Variants in SOX6 observed in about 807,000 individuals in gnomAD.
SOX6 encodes transcription factor SOX-6.
SOX6 carries 11 observed loss-of-function variants against 97.8 expected under a neutral mutation model. The observed-to-expected ratio is 0.11, with a 90% CI of 0.07 to 0.19. SOX6 has a LOEUF of 0.19. Among genes scored for constraint, SOX6 ranks in the 10% least tolerant of loss-of-function variants. The pLI is 1.00. For missense variants in SOX6, 810 were observed against 1,039.5 expected (o/e 0.78, Z 3.04); for synonymous variants, 360 against 371.4 (o/e 0.97, Z 0.35).
chr11:16,440,727 T>G (rs1859489056), intron 1 of SOX6, among the ~76,000 whole-genome samples: 1 of 152,160 alleles, frequency 6.6e-6, no homozygotes, highest in South Asian at 2.1e-4. Context: ...ATACTGTTTC[T>G]CTATTTGTCT....
At chr11:16,211,410 G>A (rs1008058348) in intron 4 of SOX6, among the ~76,000 whole-genome samples, 2 of 151,792 alleles carry the variant, frequency 1.3e-5, no homozygotes, top group African/African-American at 4.8e-5. Context: ...CCTGGACCAA[G>A]GTGATAGCAA....
intron 4 of SOX6, among the ~76,000 whole-genome samples, chr11:16,216,452 A>G (rs1852374295): frequency 6.6e-6 from 1 of 152,158 alleles, no homozygotes; most frequent in African/African-American, 2.4e-5. Flanking sequence ...GTTCCAACCA[A>G]AAAGCTTTTC....
intron 7 of SOX6, among the ~76,000 whole-genome samples, chr11:16,105,324 G>T (rs145555483): frequency 4.6e-5 from 7 of 152,028 alleles, no homozygotes; most frequent in Admixed American, 4.6e-4. Flanking sequence ...TCTGACAAAA[G>T]TCTAATATTA....
intron 4 of SOX6, among the ~76,000 whole-genome samples, chr11:16,209,401 G>C (rs1852158566): frequency 6.6e-6 from 1 of 151,968 alleles, no homozygotes; most frequent in Non-Finnish European, 1.5e-5. Context: ...TGAGTTAACT[G>C]GTTCCCCAAT....
intron 1 of SOX6, among the ~76,000 whole-genome samples, chr11:16,399,854 T>G (rs972927156): frequency 6.6e-6 from 1 of 151,560 alleles, no homozygotes. Context: ...TGCCCTAAGA[T>G]TCAATCAAGT....
intron 3 of SOX6, among the ~76,000 whole-genome samples, chr11:16,252,908 T>C (rs893724960): frequency 1.3e-5 from 2 of 152,182 alleles, no homozygotes; most frequent in African/African-American, 4.8e-5. Flanking sequence ...GATGTAATCA[T>C]AGGACTATGG....
chr11:16,636,192 G>C (rs1247423790), intron 3 of SOX6, among the ~76,000 whole-genome samples: 1 of 152,186 alleles, frequency 6.6e-6, no homozygotes, highest in East Asian at 1.9e-4. Context: ...CAGCTGGGAG[G>C]GGGGCTGTGC....
At chr11:16,319,685 T>C (rs1450622321) in intron 2 of SOX6, among the ~76,000 whole-genome samples, 1 of 152,178 alleles carries the variant, frequency 6.6e-6, no homozygotes, top group African/African-American at 2.4e-5. Flanking sequence ...TCCTTTTTTA[T>C]GGCGGCATAG....
intron 3 of SOX6, among the ~76,000 whole-genome samples, chr11:16,236,165 C>A (rs1853013684): frequency 6.6e-6 from 1 of 151,898 alleles, no homozygotes; most frequent in Non-Finnish European, 1.5e-5. Flanking sequence ...AACAAATGAT[C>A]TACTACTGTG....
intron 1 of SOX6, among the ~76,000 whole-genome samples, chr11:16,393,086 T>C (rs1031610155): frequency 6.6e-6 from 1 of 152,042 alleles, no homozygotes; most frequent in Non-Finnish European, 1.5e-5. Flanking sequence ...TGCCCGTGAC[T>C]CTGGTTCCCT....
At chr11:16,400,001 C>A (rs1357359732) in intron 1 of SOX6, among the ~76,000 whole-genome samples, 2 of 151,396 alleles carry the variant, frequency 1.3e-5, no homozygotes, top group African/African-American at 4.8e-5. Flanking sequence ...AAGACAGTTT[C>A]AGTTCCATTG....
chr11:16,338,826 A>G (rs1257159357), intron 2 of SOX6, among the ~76,000 whole-genome samples: 2 of 152,022 alleles, frequency 1.3e-5, no homozygotes, highest in Non-Finnish European at 1.5e-5. Context: ...TTGGTAAGAA[A>G]ATTATTAATA....
intron 12 of SOX6, among the ~76,000 whole-genome samples, chr11:16,027,935 A>G (rs1320899030): frequency 6.6e-6 from 1 of 152,252 alleles, no homozygotes; most frequent in African/African-American, 2.4e-5. Context: ...TGGGCTTCCA[A>G]TTATTTATTG....
At chr11:16,594,938 C>G (rs1348688493) in intron 4 of SOX6, among the ~76,000 whole-genome samples, 3 of 151,940 alleles carry the variant, frequency 2.0e-5, no homozygotes, top group Admixed American at 2.0e-4. Context: ...TGATCCGCCC[C>G]CCTCGGCCTC....
intron 2 of SOX6, among the ~76,000 whole-genome samples, chr11:16,340,014 T>C (rs767689791): frequency 1.3e-5 from 2 of 152,078 alleles, no homozygotes; most frequent in African/African-American, 2.4e-5. Context: ...ACCTACTGTT[T>C]CAGAGCATTG....
chr11:16,354,447 C>A (rs530102659), intron 1 of SOX6, among the ~76,000 whole-genome samples: 1 of 151,846 alleles, frequency 6.6e-6, no homozygotes, highest in Non-Finnish European at 1.5e-5. Context: ...GAACTAATGA[C>A]AAGAACCATG....
At chr11:16,364,119 C>G (rs1283280955) in intron 1 of SOX6, among the ~76,000 whole-genome samples, 4 of 152,064 alleles carry the variant, frequency 2.6e-5, no homozygotes, top group African/African-American at 9.7e-5. Flanking sequence ...TTTTTCAAAC[C>G]TGACTTTTCC....
chr11:16,239,345 T>C (rs1295575439), intron 3 of SOX6, among the ~76,000 whole-genome samples: 1 of 152,018 alleles, frequency 6.6e-6, no homozygotes, highest in Admixed American at 6.6e-5. Flanking sequence ...AAACAACTGA[T>C]TTTCCAAATA....
At chr11:16,627,895 T>C (rs941938219) in intron 3 of SOX6, among the ~76,000 whole-genome samples, 1 of 152,210 alleles carries the variant, frequency 6.6e-6, no homozygotes, top group Non-Finnish European at 1.5e-5. Context: ...GAATGGTGTT[T>C]CCTAGGTTTT....
Sources: gnomAD v4.1 joint callset for allele counts (sites outside exome capture counted in the v4.1 genomes callset) on GRCh38, gnomAD v4.1.1 for gene constraint, MANE v1.5 for transcripts, NCBI Gene and HGNC (gene_info 2026-07-23, HGNC 2026-07-21) for gene names.